The following DGKA variants were observed in gnomAD, a reference collection of about 807,000 sequenced individuals.
DGKA encodes the protein diacylglycerol kinase alpha.
Under a neutral mutation model 105.0 loss-of-function variants are expected in DGKA, and 35 were observed. The ratio of observed to expected loss-of-function variants is 0.33; its 90% CI spans 0.25 to 0.44. DGKA has a LOEUF of 0.44. DGKA is among the 20% of genes least tolerant of loss of function. The pLI is 1.00. For synonymous variants in DGKA, 296 were observed against 332.0 expected (o/e 0.89, Z 1.18); for missense variants, 665 against 915.0 (o/e 0.73, Z 3.53).
At position 55,932,715 on chromosome 12, in the gene DGKA, AC is replaced by A; in HGVS notation, c.-82+1372del. 4.4e-6 allele frequency: 2 copies of A among 457,090 alleles called. No individual in the cohort carries two copies. Among genetic ancestry groups the A allele is most frequent in the South Asian group, 4.8e-5 (2 of 41,824 alleles). The allele number at this position is 457,090 out of a possible 1,614,324, so 28.3% of individuals were successfully genotyped here. ...TCTACACACACACACACACGCACAC[AC>A]ACACACACACACACACACACACACA... is the stretch of plus-strand genomic sequence containing the variant. On this transcript the variant is annotated intron_variant, in intron 1 of 23. Transcript: ENST00000331886. This position sits in a 1 kb window ranked among gnomAD's most constrained non-coding sequence, Gnocchi z 4.3.
chr12:55,932,283 CG>C lies in DGKA; in HGVS notation c.-82+944del. On this transcript the variant is annotated intron_variant, in intron 1 of 23. Transcript: ENST00000331886. The surrounding 1 kb of genome is among the most constrained non-coding windows in gnomAD (Gnocchi z 4.3). ...ATCGAGAAGGGTCTGCGCTGGGACG[CG>C]GGGGTGCAGCGGGAGGGCTGGGCCC... The C allele has an allele frequency of 1.9e-6, 1 of 522,918 alleles. No individual in the cohort carries two copies. The highest frequency in any genetic ancestry group is 3.5e-6 in the Non-Finnish European group (1 of 288,262). 32.4% of individuals were successfully genotyped at this position (522,918 alleles called of 1,614,324 possible). A position where few individuals can be genotyped will look rare whatever the true frequency, so the allele number is the denominator to read the frequency against.
chr12:55,951,818 G>C, intron 18 of DGKA, 35 bp downstream of exon 18: 1 of 1,603,944 alleles, frequency 6.2e-7, no homozygotes, highest in Non-Finnish European at 8.5e-7. Flanking sequence ...AAGGGAGAAA[G>C]GGGGGGCCAA....
In DGKA at chr12:55,938,493, C is replaced by G; in HGVS notation, c.350-18C>G. ...ATCTCTCACAAACTGACCCTGGCCCCCCTAAAACACCCCACAGTCACCTTC... is the reference window on the plus strand; with the variant it reads ...ATCTCTCACAAACTGACCCTGGCCCGCCTAAAACACCCCACAGTCACCTTC... On this transcript the variant is annotated intron_variant, in intron 5 of 23. Transcript: ENST00000331886. 1 of 1,613,976 alleles carries G rather than the reference C, an allele frequency of 6.2e-7. No homozygotes were observed. The highest frequency in any genetic ancestry group is 8.5e-7 in the Non-Finnish European group (1 of 1,179,938).
At chr12:55,935,746 C>T in intron 1 of DGKA, 1 of 372,284 alleles carries the variant, frequency 2.7e-6, no homozygotes, top group South Asian at 1.1e-4. Flanking sequence ...GCGCCTAGTT[C>T]CCCACCCTTC....
chr12:55,941,395 G>A, intron 14 of DGKA, 70 bp downstream of exon 14: 1 of 1,588,190 alleles, frequency 6.3e-7, no homozygotes, highest in East Asian at 2.2e-5. Flanking sequence ...GAAGGTGGAA[G>A]GGGATGTGTG....
At position 55,932,228 on chromosome 12, in the gene DGKA, G is replaced by C; in HGVS notation, c.-82+884G>C. 3 of 376,572 alleles carry C rather than the reference G, an allele frequency of 8.0e-6. No homozygotes were observed. Among genetic ancestry groups the C allele is most frequent in the Non-Finnish European group, 1.5e-5 (3 of 199,838 alleles). The allele number at this position is 376,572 out of a possible 1,614,324, so 23.3% of individuals were successfully genotyped here. Reference sequence around the variant, plus strand: ...GGCTGCGTTCGTGCTGCTGGGTCGGGAAGGAGGAAGCGTGACAGCTGGAGC... The same window carrying C: ...GGCTGCGTTCGTGCTGCTGGGTCGGCAAGGAGGAAGCGTGACAGCTGGAGC... On this transcript the variant is annotated intron_variant, in intron 1 of 23. Coordinates refer to ENST00000331886, the MANE Select transcript of DGKA (RefSeq NM_001345.5). The surrounding 1 kb of genome is among the most constrained non-coding windows in gnomAD (Gnocchi z 4.3).
rs200177638 is a variant in DGKA at position 55,953,734 on chromosome 12, C to A, written c.2174C>A (p.Pro725His). 9.1e-5 allele frequency: 147 copies of A among 1,614,062 alleles called. No homozygotes were observed. Among genetic ancestry groups the A allele is most frequent in the Non-Finnish European group, 1.1e-4 (135 of 1,180,048 alleles). Reference sequence around the variant, plus strand: ...ATGCCCATGCTCATGGGCCCACCCCCCCGCTCCACCAATTTCTTTGGCTTC... The same window carrying A: ...ATGCCCATGCTCATGGGCCCACCCCACCGCTCCACCAATTTCTTTGGCTTC... ...NQMPMLMGPP[P>H]RSTNFFGFLS The change falls in exon 24 of 24, where the codon CCC becomes CAC. Residue 725 changes from proline to histidine, a missense_variant. Pro to His is a moderately conservative substitution (Grantham distance 77, BLOSUM62 -2). Transcript: ENST00000331886.
Position 55,953,797 on chromosome 12 carries a change from C to A in DGKA, c.*29C>A. 3 of 1,595,668 alleles carry A rather than the reference C, an allele frequency of 1.9e-6. No individual in the cohort carries two copies. The highest frequency in any genetic ancestry group is 2.6e-6 in the Non-Finnish European group (3 of 1,163,332). On this transcript the variant is annotated 3_prime_UTR_variant, in exon 24 of 24. Transcript: ENST00000331886. ...GGACACCCTTGGCCTCCAAGCCAGC[C>A]TTGAACCCACCTCCCTGTCCCTGGA...
In DGKA at chr12:55,952,752, G is replaced by T. The variant is rs755213694; in HGVS notation, c.1762G>T (p.Asp588Tyr). ...CTCTCAGATCTGTGGGAAACCGCTG[G>T]ATCTGAGCAACCTGTCCCTAGAAGG... is the stretch of plus-strand genomic sequence containing the variant. ...LTVEICGKPL[D>Y]LSNLSLEGIA... Residue 588 changes from aspartate (D) to tyrosine (Y), a missense_variant, in exon 21 of 24, where the codon GAT becomes TAT. By Grantham distance (160) the Asp-to-Tyr change is radical. Coordinates refer to ENST00000331886, the MANE Select transcript of DGKA (RefSeq NM_001345.5). The surrounding 1 kb of genome is among the most constrained non-coding windows in gnomAD (Gnocchi z 5.1). The T allele has an allele frequency of 6.2e-7, 1 of 1,613,936 alleles. No individual in the cohort carries two copies. Among genetic ancestry groups the T allele is most frequent in the Non-Finnish European group, 8.5e-7 (1 of 1,180,034 alleles).
At chr12:55,944,145 A>T (rs1056705248) in intron 17 of DGKA, among the ~76,000 whole-genome samples, 12 of 152,266 alleles carry the variant, frequency 7.9e-5, no homozygotes, top group Non-Finnish European at 1.5e-4. Context: ...AATATTTTTT[A>T]AAAAATTAGC....
rs1885111956 is a variant in DGKA, at chr12:55,937,983, G to A, written c.280G>A (p.Val94Met). Residue 94 changes from valine (V) to methionine (M), a missense_variant, in exon 5 of 24, where the codon GTG (valine) becomes ATG (methionine). Physicochemically the swap from Val to Met is conservative, Grantham distance 21. Coordinates refer to ENST00000331886, the MANE Select transcript of DGKA (RefSeq NM_001345.5). ...ATCTGCTTTTTTGTAACCAGATGTG[G>A]TGTGTCTCAATGATGTTTCCTGCTA... is the stretch of plus-strand genomic sequence containing the variant. ...LNETNVTKDV[V>M]CLNDVSCYFS... is the part of the protein sequence containing the mutation. The A allele has an allele frequency of 1.9e-6, 3 of 1,614,034 alleles. No individual in the cohort carries two copies. Among genetic ancestry groups the A allele is most frequent in the African/African-American group, 2.7e-5 (2 of 74,896 alleles).
intron 17 of DGKA, chr12:55,942,490 A>G (rs1886223641): frequency 2.0e-6 from 1 of 498,024 alleles, no homozygotes; most frequent in Non-Finnish European, 3.7e-6. Context: ...CTTTCCTGTA[A>G]ATATTTTTAT....
intron 17 of DGKA, among the ~76,000 whole-genome samples, chr12:55,948,289 A>C (rs2136384766): frequency 1.3e-5 from 2 of 151,886 alleles, no homozygotes; most frequent in South Asian, 4.2e-4. Flanking sequence ...AATCCCAGCT[A>C]CTCAGTAGGC....
At chr12:55,927,727 G>C (rs564334054), upstream of DGKA, 2 of 1,540,022 alleles carry the variant, frequency 1.3e-6, no homozygotes, top group East Asian at 4.9e-5. Context: ...TCGGTCACCT[G>C]TCTCCGTAGC....
upstream of DGKA, among the ~76,000 whole-genome samples, chr12:55,928,676 C>CAAAA (rs56280303): frequency 3.0e-4 from 14 of 47,262 alleles, 1 homozygote; most frequent in Non-Finnish European, 3.6e-4. Flanking sequence ...GACCCCGTCT[C>CAAAA]AAAAAAAAAA....
Position 55,942,179 on chromosome 12 carries a change from G to A in DGKA, c.1342G>A (p.Ala448Thr), listed in dbSNP as rs1383471112. The A allele has an allele frequency of 2.3e-5, 37 of 1,614,100 alleles. No homozygotes were observed. The highest frequency in any genetic ancestry group is 3.1e-5 in the Non-Finnish European group (37 of 1,180,044). The change falls in exon 17 of 24, where the codon GCT (alanine) becomes ACT (threonine). Residue 448 changes from alanine to threonine, a missense_variant. This residue lies in a region of DGKA where 504 missense variants were observed against 681.2 expected (regional missense o/e 0.74). Transcript: ENST00000331886. ...VGWILETIDK[A>T]NLPVLPPVAV... ...CTCTTCACCTGCCTCCGCAGACAAA[G>A]CTAACTTGCCAGTTTTGCCTCCTGT...
At chr12:55,927,867 T>C, upstream of DGKA, 1 of 1,432,274 alleles carries the variant, frequency 7.0e-7, no homozygotes, top group Non-Finnish European at 9.3e-7. Context: ...CCCTAGTTGC[T>C]TCTCGCCCAG....
At chr12:55,936,054 G>T in intron 1 of DGKA, 2 of 988,500 alleles carry the variant, frequency 2.0e-6, no homozygotes, top group Non-Finnish European at 2.4e-6. Flanking sequence ...GATTGACGAT[G>T]GTGGAAGAAA....
In DGKA at chr12:55,953,727, C is replaced by A. The variant is rs779360101; in HGVS notation, c.2167C>A (p.Pro723Thr). 57 of 1,613,986 alleles carry A rather than the reference C, an allele frequency of 3.5e-5. No homozygotes were observed. The highest frequency in any genetic ancestry group is 3.8e-5 in the Non-Finnish European group (45 of 1,180,026). Residue 723 changes from proline (P) to threonine (T), a missense_variant, in exon 24 of 24, where the codon CCA becomes ACA. Coordinates refer to ENST00000331886, the MANE Select transcript of DGKA (RefSeq NM_001345.5). Reference protein sequence around the residue: ...HKNQMPMLMGPPPRSTNFFGF... With the variant: ...HKNQMPMLMGTPPRSTNFFGF... The stretch of plus-strand genomic sequence containing the variant: ...GAACCAGATGCCCATGCTCATGGGC[C>A]CACCCCCCCGCTCCACCAATTTCTT...
Sources: gnomAD v4.1 joint callset for allele counts (sites outside exome capture counted in the v4.1 genomes callset) on GRCh38, gnomAD v4.1.1 for gene constraint, gnomAD v4.1.1 regional missense constraint, Gnocchi (gnomAD v3.1) non-coding constraint, MANE v1.5 for transcripts, NCBI Gene and HGNC (gene_info 2026-07-23, HGNC 2026-07-21) for gene names.